PRRC2C: variants seen among roughly 807,000 people sequenced by gnomAD.
PRRC2C encodes protein PRRC2C.
A neutral mutation model predicts 317.2 loss-of-function variants in PRRC2C; 72 were observed. The observed-to-expected ratio is 0.23, with a 90% CI of 0.19 to 0.28. The LOEUF is 0.28. Ranked by LOEUF, PRRC2C falls within the 10% of genes least tolerant of loss-of-function variation. PRRC2C has a pLI of 1.00. For synonymous variants in PRRC2C, 1,296 were observed against 1,205.9 expected (o/e 1.07, Z -1.55); for missense variants, 3,074 against 3,459.7 (o/e 0.89, Z 2.80).
At chr1:171,571,168 A>G (rs1684715709) in intron 23 of PRRC2C, among the ~76,000 whole-genome samples, 152 bp from the exon 24 acceptor site, 3 of 151,872 alleles carry the variant, frequency 2.0e-5, no homozygotes, top group South Asian at 4.1e-4. Context: ...ACCAACTACT[A>G]TAAACACAAT....
At chr1:171,489,315 T>G (rs776831515) in intron 1 of PRRC2C, among the ~76,000 whole-genome samples, 7 of 152,244 alleles carry the variant, frequency 4.6e-5, no homozygotes, top group Non-Finnish European at 7.3e-5. Flanking sequence ...TTTAAAATTT[T>G]TAGCTTATTC....
At chr1:171,545,355 A>T in intron 16 of PRRC2C, 124 bp from the exon 17 acceptor site, 4 of 771,752 alleles carry the variant, frequency 5.2e-6, no homozygotes, top group Non-Finnish European at 8.1e-6. Context: ...GTTTGGTTAC[A>T]GTTAAGAGTT....
chr1:171,508,190 A>G (rs905745566), intron 1 of PRRC2C, among the ~76,000 whole-genome samples: 1 of 152,098 alleles, frequency 6.6e-6, no homozygotes, highest in Non-Finnish European at 1.5e-5. Flanking sequence ...TTGAATAGAA[A>G]TGGTAAAAGT....
chr1:171,556,145 C>G (rs1354565583), intron 18 of PRRC2C, among the ~76,000 whole-genome samples: 1 of 152,234 alleles, frequency 6.6e-6, no homozygotes, highest in Non-Finnish European at 1.5e-5. Context: ...ACACCACTCC[C>G]CCAGCCAGGC....
At chr1:171,542,299 A>G (rs944008994) in intron 16 of PRRC2C, 70 bp downstream of exon 16, 2 of 1,325,654 alleles carry the variant, frequency 1.5e-6, no homozygotes, top group African/African-American at 1.5e-5. Flanking sequence ...TTCTTGGTTG[A>G]ATTATGCAAA....
intron 34 of PRRC2C, chr1:171,591,101 A>C: frequency 1.1e-6 from 1 of 877,076 alleles, no homozygotes; most frequent in Non-Finnish European, 1.4e-6. Flanking sequence ...ATCAGAACTT[A>C]GTGATCAAGT....
chr1:171,569,575 A>ATATATATATATATATATAT (rs1684330118), intron 23 of PRRC2C, among the ~76,000 whole-genome samples: 1 of 60,150 alleles, frequency 1.7e-5, no homozygotes, highest in Non-Finnish European at 3.4e-5. Flanking sequence ...AAGTGGTTTA[A>ATATATATATATATATATAT]ATATATATAT....
In PRRC2C at chr1:171,574,965, T is replaced by G. The variant is rs892829151; in HGVS notation, c.6792T>G (p.Asn2264Lys). ...SARKAWENSP[N>K]VREKGSPVTS... is the part of the protein sequence containing the mutation. ...GCAAAGCATGGGAGAATTCTCCAAATGTAAGGGAAAAGGGGTCTCCAGTAA... is the reference window on the plus strand; with the variant it reads ...GCAAAGCATGGGAGAATTCTCCAAAGGTAAGGGAAAAGGGGTCTCCAGTAA... The change falls in exon 25 of 35, where the codon AAT (asparagine) becomes AAG (lysine). Residue 2264 changes from asparagine (N) to lysine (K), a missense_variant. Asn to Lys is a moderately conservative substitution (Grantham distance 94). Transcript: ENST00000647382. 2 of 1,613,762 alleles carry G rather than the reference T, an allele frequency of 1.2e-6. No individual in the cohort carries two copies. Among genetic ancestry groups the G allele is most frequent in the African/African-American group, 2.7e-5 (2 of 74,884 alleles).
At chr1:171,550,008 G>A in intron 17 of PRRC2C, 78 bp from the exon 18 acceptor site, 2 of 851,718 alleles carry the variant, frequency 2.3e-6, no homozygotes, top group Non-Finnish European at 3.2e-6. Context: ...TTTTTTTTAA[G>A]TACTACTGTA....
chr1:171,554,717 A>G (rs1041470498), intron 18 of PRRC2C, among the ~76,000 whole-genome samples: 14 of 152,336 alleles, frequency 9.2e-5, no homozygotes, highest in African/African-American at 3.4e-4. Context: ...TCCTTCACTT[A>G]CGAAGCTTAG....
Position 171,527,681 on chromosome 1 carries a change from G to A in PRRC2C, c.1201-110G>A, listed in dbSNP as rs1017027368. On this transcript the variant is annotated intron_variant, in intron 10 of 34. Transcript: ENST00000647382. Reference sequence around the variant, plus strand: ...TGAGGCATGAGAATTGCTTGGCCCCGGGAGACAGAGGTTGCAGTGAGCCAA... The same window carrying A: ...TGAGGCATGAGAATTGCTTGGCCCCAGGAGACAGAGGTTGCAGTGAGCCAA... The A allele has an allele frequency of 4.6e-5, 38 of 827,208 alleles. No individual in the cohort carries two copies. In the Middle Eastern group the frequency reaches 1.5e-3, roughly 32 times the overall value. 51.2% of individuals were successfully genotyped at this position (827,208 alleles called of 1,614,324 possible). A position where few individuals can be genotyped will look rare whatever the true frequency, so the allele number is the denominator to read the frequency against.
chr1:171,487,648 G>A (rs562840523), intron 1 of PRRC2C, among the ~76,000 whole-genome samples: 1 of 152,214 alleles, frequency 6.6e-6, no homozygotes, highest in Non-Finnish European at 1.5e-5. Flanking sequence ...TCCCTCATCT[G>A]TAAAATGGTG....
At chr1:171,563,425 C>A (rs1683064006) in intron 20 of PRRC2C, among the ~76,000 whole-genome samples, 1 of 151,980 alleles carries the variant, frequency 6.6e-6, no homozygotes, top group Non-Finnish European at 1.5e-5. Flanking sequence ...CACTGACAAC[C>A]ATTTATAATT....
intron 1 of PRRC2C, among the ~76,000 whole-genome samples, chr1:171,503,422 G>T (rs573997453): frequency 2.5e-4 from 38 of 152,044 alleles, no homozygotes; most frequent in Non-Finnish European, 4.0e-4. Context: ...TACTTGGGAG[G>T]CTGAGGCAGG....
intron 13 of PRRC2C, 148 bp downstream of exon 13, chr1:171,535,745 G>T: frequency 9.4e-7 from 1 of 1,060,710 alleles, no homozygotes; most frequent in Non-Finnish European, 1.3e-6. Flanking sequence ...GTTAACGTGG[G>T]TTTTACCTTG....
chr1:171,589,956 A>G (rs1572178989), intron 34 of PRRC2C, among the ~76,000 whole-genome samples: 2 of 148,348 alleles, frequency 1.3e-5, no homozygotes, highest in Non-Finnish European at 1.5e-5. Flanking sequence ...AGTAATATCA[A>G]TTATTATAGA....
At position 171,488,956 on chromosome 1, in the gene PRRC2C, G is replaced by A. The variant is rs1666621115; in HGVS notation, c.-58+3221G>A. Among the ~76,000 whole-genome samples the A allele has an allele frequency of 3.3e-5, 5 of 151,774 alleles. No homozygotes were observed. The South Asian group carries it at 1.0e-3, about 32-fold the overall frequency. ...ACGTCTAGTATTAAAAAAACTATTG[G>A]GTATTATGTATGTAGCATACTACAT... On this transcript the variant is annotated intron_variant, in intron 1 of 34. Transcript: ENST00000647382.
chr1:171,531,202 G>C (rs765696578), intron 11 of PRRC2C, among the ~76,000 whole-genome samples: 8 of 151,954 alleles, frequency 5.3e-5, no homozygotes, highest in Non-Finnish European at 7.3e-5. Context: ...GGGGCCACAG[G>C]GGGAGGCAGA....
rs1203568323 is a variant in PRRC2C at position 171,532,779 on chromosome 1, A to G, written c.1691A>G (p.Glu564Gly). The G allele has an allele frequency of 2.0e-6, 3 of 1,537,742 alleles. No homozygotes were observed. Among genetic ancestry groups the G allele is most frequent in the Non-Finnish European group, 8.7e-7 (1 of 1,146,422 alleles). ...GAAATGGAGAAAGAAAGAAAGCAAG[A>G]AAAAGAAAAAGAACTAGAACGGCAG... The part of the protein sequence containing the change: ...QREMEKERKQ[E>G]KEKELERQKE... Residue 564 changes from glutamate to glycine, a missense_variant, in exon 12 of 35, where the codon GAA becomes GGA. Transcript: ENST00000647382.
Sources: allele counts gnomAD v4.1 joint callset (sites outside exome capture counted in the v4.1 genomes callset), GRCh38; gene constraint gnomAD v4.1.1; transcripts MANE v1.5; gene names NCBI Gene and HGNC (gene_info 2026-07-23, HGNC 2026-07-21).